The following SLC38A9 variants were observed in gnomAD, a reference collection of about 807,000 sequenced individuals.
The protein encoded by SLC38A9 is neutral amino acid transporter 9.
Under a neutral mutation model 62.3 loss-of-function variants are expected in SLC38A9, and 48 were observed. The ratio of observed to expected loss-of-function variants is 0.77; its 90% CI spans 0.61 to 0.98. The LOEUF (loss-of-function observed/expected upper bound fraction) is 0.98, where lower values mean the gene tolerates loss of function less well. Among genes scored for constraint, SLC38A9 ranks in the 50% least tolerant of loss-of-function variants. The pLI, the probability that SLC38A9 is intolerant of heterozygous loss-of-function variation, is 0.00. For missense variants in SLC38A9, 541 were observed against 679.8 expected (o/e 0.80, Z 2.27); for synonymous variants, 204 against 227.7 (o/e 0.90, Z 0.94).
At chr5:55,705,447 A>C (rs1757163028) in intron 2 of SLC38A9, among the ~76,000 whole-genome samples, 1 of 150,906 alleles carries the variant, frequency 6.6e-6, no homozygotes, top group Admixed American at 6.6e-5. Context: ...TACAAAAAAA[A>C]AAAAGAAAGA....
chr5:55,657,250 A>G lies in SLC38A9; in HGVS notation c.698-476T>C, dbSNP rs1427612282. 3.9e-5 allele frequency among the ~76,000 whole-genome samples: 6 copies of G among 152,212 alleles called. No individual in the cohort carries two copies. The East Asian group carries it at 9.6e-4, about 24-fold the overall frequency. On this transcript the variant is annotated intron_variant, in intron 8 of 15. Transcript: ENST00000396865. ...ATAGTTTTCTTCACTTATGGGCATG[A>G]TAATGTTAGTGTCTTCACAGTTCCA... is the stretch of plus-strand genomic sequence containing the variant.
intron 14 of SLC38A9, among the ~76,000 whole-genome samples, chr5:55,632,219 C>A (rs902971194): frequency 1.3e-4 from 20 of 152,180 alleles, no homozygotes; most frequent in Admixed American, 3.3e-4. Flanking sequence ...GGGCGGATTA[C>A]AAGGTCAGGA....
intron 9 of SLC38A9, among the ~76,000 whole-genome samples, chr5:55,654,956 G>A (rs1254216713): frequency 6.6e-6 from 1 of 151,980 alleles, no homozygotes; most frequent in Non-Finnish European, 1.5e-5. Flanking sequence ...TCTTGCCTCA[G>A]CCTCCCGAGT....
chr5:55,648,981 A>G (rs796814383), intron 11 of SLC38A9, among the ~76,000 whole-genome samples: 15 of 152,342 alleles, frequency 9.8e-5, no homozygotes, highest in African/African-American at 3.4e-4. Flanking sequence ...GTATTAGTGC[A>G]CTATAACTTA....
intron 10 of SLC38A9, among the ~76,000 whole-genome samples, chr5:55,651,297 C>G (rs1747435748): frequency 7.5e-6 from 1 of 133,110 alleles, no homozygotes; most frequent in Non-Finnish European, 1.6e-5. Context: ...GTCACCCAGG[C>G]TGGAGTGCAG....
intron 7 of SLC38A9, among the ~76,000 whole-genome samples, chr5:55,668,271 T>TA (rs1750790310): frequency 6.6e-6 from 1 of 152,240 alleles, no homozygotes; most frequent in African/African-American, 2.4e-5. Flanking sequence ...GACATGAACT[T>TA]ACTGTATACA....
intron 2 of SLC38A9, among the ~76,000 whole-genome samples, chr5:55,707,370 A>G (rs1412903236): frequency 1.3e-5 from 2 of 152,210 alleles, no homozygotes; most frequent in African/African-American, 4.8e-5. Context: ...CAGACATTAC[A>G]TTGATATAAT....
chr5:55,658,270 C>T (rs1748818972), intron 8 of SLC38A9, among the ~76,000 whole-genome samples: 1 of 152,150 alleles, frequency 6.6e-6, no homozygotes, highest in African/African-American at 2.4e-5. Flanking sequence ...TCTCCTGCCT[C>T]AGCCTCCCGA....
intron 3 of SLC38A9, among the ~76,000 whole-genome samples, chr5:55,674,023 C>T (rs1751740526): frequency 6.6e-6 from 1 of 152,150 alleles, no homozygotes; most frequent in Non-Finnish European, 1.5e-5. Context: ...TTAATCTAAT[C>T]TTGTGGGAAG....
chr5:55,711,867 C>A (rs558020830), intron 1 of SLC38A9, among the ~76,000 whole-genome samples: 270 of 152,312 alleles, frequency 1.8e-3, no homozygotes, highest in Non-Finnish European at 3.2e-3. Context: ...CTCCCTCCTT[C>A]TCTCACCCGA....
Position 55,669,627 on chromosome 5 carries a change from A to G in SLC38A9, c.369-7T>C. On this transcript the variant is annotated splice_region_variant and splice_polypyrimidine_tract_variant and intron_variant, in intron 5 of 15. Transcript: ENST00000396865. ...GGTATTCCAAATCATAAAACTGAAA[A>G]CACAGAGTAATAGCAGTAAAAAAAT... The G allele has an allele frequency of 1.9e-6, 3 of 1,607,520 alleles. No individual in the cohort carries two copies. Among genetic ancestry groups the G allele is most frequent in the South Asian group, 2.2e-5 (2 of 90,002 alleles).
chr5:55,670,674 T>C (rs1246521170), intron 4 of SLC38A9, among the ~76,000 whole-genome samples: 1 of 152,230 alleles, frequency 6.6e-6, no homozygotes, highest in Non-Finnish European at 1.5e-5. Flanking sequence ...ACATGCTGAC[T>C]CTATTTCCAG....
At chr5:55,656,070 A>G (rs993456269) in intron 9 of SLC38A9, among the ~76,000 whole-genome samples, 1 of 152,098 alleles carries the variant, frequency 6.6e-6, no homozygotes, top group African/African-American at 2.4e-5. Flanking sequence ...TAGACATCTG[A>G]TATAATTAAT....
In SLC38A9 at chr5:55,677,926, T is replaced by TG. The variant is rs1554062822; in HGVS notation, c.114-5232_114-5231insC. On this transcript the variant is annotated intron_variant, in intron 3 of 15. Transcript: ENST00000396865. ...TAAATCAATACTTTTTTTTTCTTTATTGTGTGTGTGTGTGTGTGTGTGTGT... is the reference window on the plus strand; with the variant it reads ...TAAATCAATACTTTTTTTTTCTTTATGTGTGTGTGTGTGTGTGTGTGTGTGT... Among the ~76,000 whole-genome samples the TG allele has an allele frequency of 4.5e-3, 508 of 112,208 alleles. 25 individuals are homozygous for TG. The highest frequency in any genetic ancestry group is 0.038 in the South Asian group (115 of 3,040). The allele number at this position is 112,208 out of a possible 152,430, so 73.6% of individuals were successfully genotyped here.
intron 2 of SLC38A9, among the ~76,000 whole-genome samples, chr5:55,707,570 G>C (rs188791971): frequency 1.3e-5 from 2 of 152,192 alleles, no homozygotes; most frequent in African/African-American, 4.8e-5. Context: ...TGCAGAGCAA[G>C]ACTCTGTCTC....
intron 11 of SLC38A9, among the ~76,000 whole-genome samples, chr5:55,646,231 C>T (rs959059786): frequency 6.6e-6 from 1 of 152,000 alleles, no homozygotes; most frequent in African/African-American, 2.4e-5. Context: ...CAAAAATTAG[C>T]GTGGTGGTGG....
intron 2 of SLC38A9, among the ~76,000 whole-genome samples, chr5:55,700,217 T>C (rs577034041): frequency 8.0e-4 from 121 of 152,048 alleles, no homozygotes; most frequent in African/African-American, 2.8e-3. Flanking sequence ...TGTGGGCGCC[T>C]GTAATTCCAG....
intron 8 of SLC38A9, 68 bp downstream of exon 8, chr5:55,664,625 G>T: frequency 1.2e-6 from 1 of 855,558 alleles, no homozygotes; most frequent in Non-Finnish European, 1.7e-6. Flanking sequence ...TTTAAGGCTA[G>T]AACTAACATT....
chr5:55,649,215 A>T lies in SLC38A9; in HGVS notation c.1052T>A (p.Phe351Tyr). Residue 351 changes from phenylalanine (F) to tyrosine (Y), a missense_variant, in exon 11 of 16, where the codon TTT (phenylalanine) becomes TAT (tyrosine). Physicochemically the swap from Phe to Tyr is conservative, Grantham distance 22 (BLOSUM62 3). Coordinates refer to ENST00000396865, the MANE Select transcript of SLC38A9 (RefSeq NM_173514.4). ...TTTGCCAAAAAGCTCACCTGGTACA[A>T]AAAATTCTGTTGGTATAAACCAATG... ...EFHWFIPTEF[F>Y]VPEIRFQFPQ... 1.3e-6 allele frequency: 2 copies of T among 1,588,500 alleles called. No homozygotes were observed. The highest frequency in any genetic ancestry group is 8.6e-7 in the Non-Finnish European group (1 of 1,168,836).
Sources: gnomAD v4.1 joint callset for allele counts (sites outside exome capture counted in the v4.1 genomes callset) on GRCh38, gnomAD v4.1.1 for gene constraint, MANE v1.5 for transcripts, NCBI Gene and HGNC (gene_info 2026-07-23, HGNC 2026-07-21) for gene names.